Variants in ACAD11 observed in about 807,000 individuals in gnomAD.
The protein encoded by ACAD11 is acyl-CoA dehydrogenase family member 11.
In ACAD11, 83 loss-of-function variants were observed where a neutral mutation model predicts 102.2. That is an observed-to-expected ratio of 0.81 (90% CI 0.68 to 0.97). The LOEUF is 0.97. ACAD11 is among the 50% of genes least tolerant of loss of function. ACAD11 has a pLI of 0.00. For missense variants in ACAD11, 901 were observed against 951.7 expected (o/e 0.95, Z 0.70); for synonymous variants, 324 against 319.8 (o/e 1.01, Z -0.14).
chr3:132,601,950 A>G (rs1938623092), intron 13 of ACAD11: 1 of 159,168 alleles, frequency 6.3e-6, no homozygotes, highest in Non-Finnish European at 1.4e-5. Context: ...TTTCAAAATA[A>G]AACAAGTTAA....
intron 14 of ACAD11, 48 bp downstream of exon 14, chr3:132,579,444 G>T: frequency 6.9e-7 from 1 of 1,459,820 alleles, no homozygotes; most frequent in Non-Finnish European, 9.6e-7. Flanking sequence ...ATAGGAGGAA[G>T]ACTGGCTCAT....
chr3:132,650,787 C>A (rs904490913), intron 1 of ACAD11, among the ~76,000 whole-genome samples: 1 of 152,132 alleles, frequency 6.6e-6, no homozygotes, highest in Non-Finnish European at 1.5e-5. Flanking sequence ...ACCTTGAGAC[C>A]ACCGGAACTG....
chr3:132,642,903 G>A lies in ACAD11; in HGVS notation c.250-101C>T, dbSNP rs558113627. ...CTAATCTTAAGGCTAGAAAACAACT[G>A]TAAAACAGTATCAACACAAACTCCA... On this transcript the variant is annotated intron_variant, in intron 2 of 19. Coordinates refer to ENST00000264990, the MANE Select transcript of ACAD11 (RefSeq NM_032169.5). 25 of 1,202,360 alleles carry A rather than the reference G, an allele frequency of 2.1e-5. No individual in the cohort carries two copies. The South Asian group carries it at 2.8e-4, about 13-fold the overall frequency. 74.5% of individuals were successfully genotyped at this position (1,202,360 alleles called of 1,614,324 possible).
In ACAD11 at chr3:132,596,434, T is replaced by A. The variant is rs558169882; in HGVS notation, c.1621+6795A>T. On this transcript the variant is annotated intron_variant, in intron 13 of 19. Transcript: ENST00000264990. ...ACCCCTGAACTTAAAAGTTTTTTTT[T>A]AAAAAAGAGAAAAATAGAAAAAATG... Among the ~76,000 whole-genome samples the A allele has an allele frequency of 1.5e-3, 235 of 152,160 alleles. 1 individual carries two copies. Among genetic ancestry groups the A allele is most frequent in the Middle Eastern group, 3.4e-3 (1 of 294 alleles).
intron 11 of ACAD11, chr3:132,618,109 CTTA>C (rs1164815070): frequency 6.6e-6 from 1 of 152,046 alleles, no homozygotes; most frequent in African/African-American, 2.4e-5. Context: ...TTGAAGTTTA[CTTA>C]TTATAATTAT....
intron 13 of ACAD11, among the ~76,000 whole-genome samples, chr3:132,598,949 T>C (rs1313011480): frequency 6.6e-6 from 1 of 152,106 alleles, no homozygotes; most frequent in Non-Finnish European, 1.5e-5. Context: ...TCAAATACTC[T>C]GGTGGAAGTA....
chr3:132,651,918 G>T (rs774753532), intron 1 of ACAD11, among the ~76,000 whole-genome samples: 2 of 152,208 alleles, frequency 1.3e-5, no homozygotes, highest in Non-Finnish European at 2.9e-5. Flanking sequence ...AGGCAGAAGG[G>T]ACTTACCTTG....
chr3:132,619,669 C>G (rs555011849), intron 9 of ACAD11, 124 bp from the exon 10 acceptor site: 26 of 522,422 alleles, frequency 5.0e-5, no homozygotes, highest in Non-Finnish European at 8.0e-5. Context: ...TATTATTAAA[C>G]CAGACACAGA....
intron 10 of ACAD11, 63 bp from the exon 11 acceptor site, chr3:132,618,835 C>A: frequency 1.4e-6 from 2 of 1,403,170 alleles, no homozygotes; most frequent in African/African-American, 1.5e-5. Flanking sequence ...TAGTTTATTT[C>A]TTTTTTTAAA....
chr3:132,614,146 A>G (rs1939297239), intron 11 of ACAD11, among the ~76,000 whole-genome samples: 1 of 152,196 alleles, frequency 6.6e-6, no homozygotes, highest in South Asian at 2.1e-4. Context: ...AAGGAGAACT[A>G]CAAACCACTG....
chr3:132,595,128 A>T (rs550270377), intron 13 of ACAD11, among the ~76,000 whole-genome samples: 1 of 152,158 alleles, frequency 6.6e-6, no homozygotes, highest in Non-Finnish European at 1.5e-5. Context: ...GGTTATTTTA[A>T]GTAGAGTAGT....
At chr3:132,640,407 CTT>C (rs1217883764) in intron 4 of ACAD11, among the ~76,000 whole-genome samples, 1 of 152,254 alleles carries the variant, frequency 6.6e-6, no homozygotes, top group African/African-American at 2.4e-5. Context: ...TTTTAATACT[CTT>C]TCTTATTACC....
chr3:132,587,851 G>C (rs1242607176), intron 13 of ACAD11, among the ~76,000 whole-genome samples: 2 of 152,158 alleles, frequency 1.3e-5, no homozygotes, highest in Non-Finnish European at 2.9e-5. Context: ...AAGGTGCTTT[G>C]AGTTTGCCCT....
chr3:132,581,404 A>C (rs78702244), intron 13 of ACAD11, among the ~76,000 whole-genome samples: 9,285 of 152,074 alleles, frequency 0.061, 379 homozygotes, highest in Middle Eastern at 0.092. Flanking sequence ...GAAGTCTTAG[A>C]ATCCAAAAGA....
At chr3:132,630,072 AC>A (rs1206954782) in intron 7 of ACAD11, among the ~76,000 whole-genome samples, 1 of 152,036 alleles carries the variant, frequency 6.6e-6, no homozygotes, top group Non-Finnish European at 1.5e-5. Context: ...ATCAACCCTA[AC>A]TAATAAATGG....
intron 11 of ACAD11, among the ~76,000 whole-genome samples, chr3:132,610,917 TA>T (rs924801184): frequency 6.6e-6 from 1 of 151,526 alleles, no homozygotes; most frequent in Non-Finnish European, 1.5e-5. Context: ...AGAGACACAA[TA>T]AAAAAAGAGA....
chr3:132,570,685 C>T (rs982680307), intron 17 of ACAD11, among the ~76,000 whole-genome samples: 3 of 152,066 alleles, frequency 2.0e-5, no homozygotes, highest in Non-Finnish European at 4.4e-5. Flanking sequence ...TGGTAGGCTA[C>T]CATGTCTGTT....
At chr3:132,584,607 G>C (rs1035661751) in intron 13 of ACAD11, among the ~76,000 whole-genome samples, 1 of 152,164 alleles carries the variant, frequency 6.6e-6, no homozygotes. Flanking sequence ...TCATTATGAT[G>C]TTAGCTGGTT....
intron 11 of ACAD11, among the ~76,000 whole-genome samples, chr3:132,606,073 TG>T (rs1938823947): frequency 1.3e-5 from 2 of 152,234 alleles, no homozygotes; most frequent in South Asian, 4.1e-4. Context: ...TTTCCATTCC[TG>T]TCAAATTTCT....
Sources: gnomAD v4.1 joint callset for allele counts (sites outside exome capture counted in the v4.1 genomes callset) on GRCh38, gnomAD v4.1.1 for gene constraint, MANE v1.5 for transcripts, NCBI Gene and HGNC (gene_info 2026-07-23, HGNC 2026-07-21) for gene names.